The following YEATS2 variants were observed in gnomAD, a reference collection of about 807,000 sequenced individuals.
YEATS2 encodes YEATS domain containing 2.
In YEATS2, 77 loss-of-function variants were observed where a neutral mutation model predicts 163.2. The observed-to-expected ratio is 0.47, with a 90% confidence interval of 0.39 to 0.57. The LOEUF (loss-of-function observed/expected upper bound fraction) is 0.57. Among genes scored for constraint, YEATS2 ranks in the 20% least tolerant of loss-of-function variants. The pLI, the probability that YEATS2 is intolerant of heterozygous loss-of-function variation, is 0.00. For synonymous variants in YEATS2, 631 were observed against 645.1 expected, an observed-to-expected ratio of 0.98 and a Z score of 0.33; for missense variants, 1,549 against 1,729.8, an observed-to-expected ratio of 0.90 and a Z score of 1.85.
rs559363563 is a variant in YEATS2, at chr3:183,811,369, C to G, written c.*786C>G. On this transcript the variant is annotated 3_prime_UTR_variant, in exon 31 of 31. Transcript: ENST00000305135. ...CGTTACACATGTGTGCGAAGCAGAT[C>G]GCAGGTTCCACGCCATCTGCATGGC... 2 of 152,614 alleles carry G rather than the reference C, an allele frequency of 1.3e-5. No individual in the cohort carries two copies. Among genetic ancestry groups the G allele is most frequent in the Admixed American group, 6.5e-5 (1 of 15,268 alleles). 9.5% of individuals were successfully genotyped at this position (152,614 alleles called of 1,614,324 possible).
At chr3:183,789,825 C>T (rs1724436360) in intron 20 of YEATS2, among the ~76,000 whole-genome samples, 2 of 152,050 alleles carry the variant, frequency 1.3e-5, no homozygotes, top group South Asian at 4.1e-4. Context: ...AGGCATGAGC[C>T]ACTGCACCTG....
intron 19 of YEATS2, among the ~76,000 whole-genome samples, chr3:183,782,298 G>A (rs1214692598): frequency 1.3e-5 from 2 of 151,694 alleles, no homozygotes; most frequent in East Asian, 1.9e-4. Context: ...TAGTAGAGAC[G>A]AGGTTTCTCT....
chr3:183,758,282 A>C (rs1054493300), intron 12 of YEATS2, among the ~76,000 whole-genome samples: 6 of 152,128 alleles, frequency 3.9e-5, no homozygotes, highest in African/African-American at 1.4e-4. Flanking sequence ...ACTTGAACCC[A>C]GTAGGTGGAG....
chr3:183,795,214 C>G (rs1725026710), intron 21 of YEATS2, among the ~76,000 whole-genome samples: 1 of 151,422 alleles, frequency 6.6e-6, no homozygotes. Flanking sequence ...AACCATCTAC[C>G]CTAATAGTAA....
chr3:183,720,306 G>A (rs1010373271), intron 4 of YEATS2, among the ~76,000 whole-genome samples: 1 of 152,190 alleles, frequency 6.6e-6, no homozygotes, highest in African/African-American at 2.4e-5. Context: ...AGGCATAGGG[G>A]TTAGGATTGA....
intron 5 of YEATS2, 90 bp downstream of exon 5, chr3:183,722,226 C>A: frequency 2.2e-6 from 3 of 1,334,786 alleles, no homozygotes; most frequent in Non-Finnish European, 2.0e-6. Flanking sequence ...TGAACTGTCA[C>A]AGGAATCTTA....
At position 183,805,234 on chromosome 3, in the gene YEATS2, CTACAAAAAT is replaced by C. The variant is rs201687492; in HGVS notation, c.3784+1059_3784+1067del. ...AGGGCAACATAGCAGGACCTTGTCG[CTACAAAAAT>C]TACAAAAATTACCCGGGTGTGGTAG... On this transcript the variant is annotated intron_variant, in intron 27 of 30. Transcript: ENST00000305135. Among the ~76,000 whole-genome samples the C allele has an allele frequency of 5.5e-3, 828 of 151,546 alleles. 9 individuals carry two copies. Among genetic ancestry groups the C allele is most frequent in the African/African-American group, 0.017 (702 of 41,310 alleles).
chr3:183,776,681 CGGT>C (rs1461968487), intron 18 of YEATS2, among the ~76,000 whole-genome samples: 1 of 152,034 alleles, frequency 6.6e-6, no homozygotes, highest in Non-Finnish European at 1.5e-5. Flanking sequence ...AAGCCAGGCA[CGGT>C]GGCTCACGCC....
rs148281062 is a variant in YEATS2 at position 183,795,649 on chromosome 3, G to T, written c.3098-2274G>T. Among the ~76,000 whole-genome samples, 59 of 151,882 alleles carry T rather than the reference G, an allele frequency of 3.9e-4. 1 individual carries two copies. The highest frequency in any genetic ancestry group is 1.4e-3 in the African/African-American group (59 of 41,442). ...GAGATAAACATTAATAAAAAGAACC[G>T]ACAGGGATTAAAGTGGCTACCAGTA... On this transcript the variant is annotated intron_variant, in intron 21 of 30. Transcript: ENST00000305135.
intron 27 of YEATS2, 107 bp from the exon 28 acceptor site, chr3:183,806,759 C>T: frequency 1.8e-6 from 2 of 1,116,964 alleles, no homozygotes; most frequent in East Asian, 2.5e-5. Flanking sequence ...AGAAGGTCAG[C>T]TCCCCTGATG....
At chr3:183,773,917 A>C in intron 17 of YEATS2, 123 bp downstream of exon 17, 1 of 1,208,936 alleles carries the variant, frequency 8.3e-7, no homozygotes, top group Middle Eastern at 2.0e-4. Context: ...TGGGTGGTGT[A>C]ATGGTAGCAT....
rs1726819088 is a variant in YEATS2 at position 183,811,738 on chromosome 3, AAC to A, written c.*1159_*1160del. On this transcript the variant is annotated 3_prime_UTR_variant, in exon 31 of 31. Transcript: ENST00000305135. The stretch of plus-strand genomic sequence containing the variant: ...GGAGGCGCCCCATCTCAGACTTCCT[AAC>A]ACAGCCTGTGTGGAAGGCAGAACAA... The A allele has an allele frequency of 6.6e-6, 1 of 152,212 alleles. No homozygotes were observed. Among genetic ancestry groups the A allele is most frequent in the African/African-American group, 2.4e-5 (1 of 41,440 alleles). 9.4% of individuals were successfully genotyped at this position (152,212 alleles called of 1,614,324 possible). A position where few individuals can be genotyped will look rare whatever the true frequency, so the allele number is the denominator to read the frequency against.
chr3:183,757,672 A>C (rs1281472329), intron 12 of YEATS2, among the ~76,000 whole-genome samples: 2 of 152,230 alleles, frequency 1.3e-5, no homozygotes, highest in African/African-American at 4.8e-5. Flanking sequence ...AAATGAAATA[A>C]AAGGGATGAT....
At chr3:183,720,525 GT>G (rs1353262746) in intron 4 of YEATS2, among the ~76,000 whole-genome samples, 1 of 152,158 alleles carries the variant, frequency 6.6e-6, no homozygotes, top group Non-Finnish European at 1.5e-5. Flanking sequence ...AGGCCTTCAT[GT>G]TACCCTTGGT....
At chr3:183,791,226 G>C (rs1040169529) in intron 21 of YEATS2, among the ~76,000 whole-genome samples, 2 of 152,050 alleles carry the variant, frequency 1.3e-5, no homozygotes, top group African/African-American at 2.4e-5. Context: ...GTAGAGATGG[G>C]GTTTCACCAC....
intron 9 of YEATS2, among the ~76,000 whole-genome samples, chr3:183,750,122 C>A (rs1298909709): frequency 3.3e-5 from 5 of 152,104 alleles, no homozygotes; most frequent in African/African-American, 1.2e-4. Context: ...CCGCGCCCGG[C>A]CTACTTGTTT....
chr3:183,773,903 C>G, intron 17 of YEATS2, 109 bp downstream of exon 17: 3 of 1,295,746 alleles, frequency 2.3e-6, no homozygotes, highest in Non-Finnish European at 3.1e-6. Context: ...TTCTGTAACT[C>G]TGTTGGGTGG....
At chr3:183,759,074 T>A in intron 13 of YEATS2, 109 bp downstream of exon 13, 1 of 729,036 alleles carries the variant, frequency 1.4e-6, no homozygotes, top group Non-Finnish European at 2.1e-6. Flanking sequence ...CCAGGCTGTA[T>A]CGAACTCCTG....
At chr3:183,793,530 A>G in intron 21 of YEATS2, 1 of 778,828 alleles carries the variant, frequency 1.3e-6, no homozygotes, top group Non-Finnish European at 1.6e-6. Context: ...GGCATGCAAT[A>G]GATGAAGTCT....
Sources: gnomAD v4.1 joint callset for allele counts (sites outside exome capture counted in the v4.1 genomes callset) on GRCh38, gnomAD v4.1.1 for gene constraint, MANE v1.5 for transcripts, NCBI Gene and HGNC (gene_info 2026-07-23, HGNC 2026-07-21) for gene names.